Variants in ASTN1 observed in about 807,000 individuals in gnomAD.
ASTN1 encodes the protein astrotactin 1.
In ASTN1, 41 loss-of-function variants were observed where a neutral mutation model predicts 140.7. The ratio of observed to expected loss-of-function variants is 0.29; its 90% CI spans 0.23 to 0.38. The LOEUF is 0.38. Ranked by LOEUF, ASTN1 falls within the 10% of genes least tolerant of loss-of-function variation. ASTN1 has a pLI of 1.00. For synonymous variants in ASTN1, 640 were observed against 652.2 expected, an observed-to-expected ratio of 0.98 and a Z score of 0.29; for missense variants, 1,479 against 1,678.8, an observed-to-expected ratio of 0.88 and a Z score of 2.08.
chr1:177,143,448 G>T (rs1682562162), intron 1 of ASTN1, among the ~76,000 whole-genome samples: 1 of 152,178 alleles, frequency 6.6e-6, no homozygotes, highest in East Asian at 1.9e-4. Context: ...TCACTGAGAA[G>T]TTGCACCCTG....
At chr1:176,932,860 G>C (rs1021497369) in intron 16 of ASTN1, among the ~76,000 whole-genome samples, 5 of 152,174 alleles carry the variant, frequency 3.3e-5, no homozygotes. Flanking sequence ...TGAACCACTG[G>C]CAAACAGAAA....
At chr1:176,901,983 C>G (rs1023610823) in intron 16 of ASTN1, among the ~76,000 whole-genome samples, 3 of 152,088 alleles carry the variant, frequency 2.0e-5, no homozygotes, top group African/African-American at 7.2e-5. Context: ...GGTAATTGTT[C>G]AAGAAGTTTC....
intron 8 of ASTN1, among the ~76,000 whole-genome samples, chr1:176,978,449 CGTGG>C (rs1673463834): frequency 6.6e-6 from 1 of 152,008 alleles, no homozygotes; most frequent in African/African-American, 2.4e-5. Flanking sequence ...AGTGGGAAGA[CGTGG>C]ATTTGGAAGA....
chr1:176,986,715 C>T (rs1228984911), intron 8 of ASTN1, among the ~76,000 whole-genome samples: 3 of 152,152 alleles, frequency 2.0e-5, no homozygotes, highest in Non-Finnish European at 4.4e-5. Context: ...TAAATCTTCT[C>T]TCTGTGTCTC....
intron 1 of ASTN1, among the ~76,000 whole-genome samples, chr1:177,084,884 T>C (rs1679353387): frequency 6.6e-6 from 1 of 152,190 alleles, no homozygotes. Context: ...CATGTTCCCA[T>C]TCACTTCTTA....
intron 15 of ASTN1, among the ~76,000 whole-genome samples, chr1:176,935,247 C>T (rs1018946564): frequency 9.2e-5 from 14 of 152,150 alleles, no homozygotes; most frequent in Admixed American, 5.9e-4. Context: ...CACATCACAG[C>T]GACACCATTG....
At chr1:177,142,273 GT>G (rs556539894) in intron 1 of ASTN1, among the ~76,000 whole-genome samples, 44 of 144,198 alleles carry the variant, frequency 3.1e-4, no homozygotes, top group Middle Eastern at 3.5e-3. Flanking sequence ...AATTGCTGTT[GT>G]TTTTTTTTTT....
At chr1:176,916,382 A>T (rs1471620204) in intron 16 of ASTN1, among the ~76,000 whole-genome samples, 1 of 152,198 alleles carries the variant, frequency 6.6e-6, no homozygotes, top group Non-Finnish European at 1.5e-5. Flanking sequence ...ATCCAGAAAC[A>T]AATTGTACTG....
At chr1:177,032,420 G>A in intron 3 of ASTN1, 36 bp downstream of exon 3, 1 of 1,594,072 alleles carries the variant, frequency 6.3e-7, no homozygotes. Flanking sequence ...TTGAGATGAA[G>A]GACCAAACAG....
rs1668879592 is a variant in ASTN1, at chr1:176,883,107, T to G, written c.3227-113A>C. ...CATGACAATGATTTGGTCCTCAATC[T>G]CTAGAGTAGAGAAGGAGACTTAGAA... On this transcript the variant is annotated intron_variant, in intron 19 of 22. Coordinates refer to ENST00000361833, the MANE Select transcript of ASTN1 (RefSeq NM_004319.3). 4 of 1,421,750 alleles carry G rather than the reference T, an allele frequency of 2.8e-6. No homozygotes were observed. In the African/African-American group the frequency reaches 4.2e-5, roughly 15 times the overall value. The allele number at this position is 1,421,750 out of a possible 1,614,324, so 88.1% of individuals were successfully genotyped here.
chr1:177,060,122 A>G (rs1379071083), intron 2 of ASTN1, among the ~76,000 whole-genome samples: 1 of 152,240 alleles, frequency 6.6e-6, no homozygotes, highest in Non-Finnish European at 1.5e-5. Flanking sequence ...ATCAGTAAAA[A>G]AAACAACACT....
At chr1:176,920,400 C>A (rs955005702) in intron 16 of ASTN1, among the ~76,000 whole-genome samples, 2 of 152,270 alleles carry the variant, frequency 1.3e-5, no homozygotes, top group East Asian at 1.9e-4. Flanking sequence ...CCACATGACC[C>A]GGGGATGGCC....
intron 1 of ASTN1, among the ~76,000 whole-genome samples, chr1:177,152,185 C>T (rs1683067471): frequency 6.6e-6 from 1 of 152,088 alleles, no homozygotes; most frequent in South Asian, 2.1e-4. Context: ...ACAGAAAGTG[C>T]ACAGATTTGC....
At chr1:177,005,502 T>C (rs551804403) in intron 8 of ASTN1, among the ~76,000 whole-genome samples, 1 of 152,300 alleles carries the variant, frequency 6.6e-6, no homozygotes, top group East Asian at 1.9e-4. Context: ...AACTAGTCAC[T>C]ATATCAAAAA....
At chr1:176,968,930 T>A (rs1190205809) in intron 8 of ASTN1, among the ~76,000 whole-genome samples, 1 of 152,028 alleles carries the variant, frequency 6.6e-6, no homozygotes, top group African/African-American at 2.4e-5. Context: ...AAGGCTGGTG[T>A]TGGCAGTGCA....
chr1:176,972,563 A>G (rs1673183925), intron 8 of ASTN1, among the ~76,000 whole-genome samples: 1 of 152,034 alleles, frequency 6.6e-6, no homozygotes, highest in Non-Finnish European at 1.5e-5. Context: ...CACTGGTGCA[A>G]TTATAGTTCA....
intron 11 of ASTN1, among the ~76,000 whole-genome samples, chr1:176,957,145 T>C (rs1672441680): frequency 1.3e-5 from 2 of 152,006 alleles, no homozygotes; most frequent in Non-Finnish European, 2.9e-5. Flanking sequence ...TGCAAGTGAC[T>C]CTCTCATCTC....
chr1:176,918,289 AG>A lies in ASTN1; in HGVS notation c.2671+15862del, dbSNP rs140909135. Among the ~76,000 whole-genome samples, 105 of 152,242 alleles carry A rather than the reference AG, an allele frequency of 6.9e-4. 1 individual carries two copies. In the East Asian group the frequency reaches 0.02, roughly 28 times the overall value. ...TAAGCTCATCTATCCCCAGGGATTTAGGTACTAGTTGAATTCACCAGAACTC... is the reference window on the plus strand; with the variant it reads ...TAAGCTCATCTATCCCCAGGGATTTAGTACTAGTTGAATTCACCAGAACTC... On this transcript the variant is annotated intron_variant, in intron 16 of 22. Coordinates refer to ENST00000361833, the MANE Select transcript of ASTN1 (RefSeq NM_004319.3).
In ASTN1 at chr1:176,958,915, G is replaced by T. The variant is rs1221902453; in HGVS notation, c.1599-433C>A. Among the ~76,000 whole-genome samples, 3 of 152,076 alleles carry T rather than the reference G, an allele frequency of 2.0e-5. No homozygotes were observed. The East Asian group carries it at 5.8e-4, about 29-fold the overall frequency. Reference sequence around the variant, plus strand: ...CTGTGACTGGAGGAACCCTAACAAAGAAAATAAAGAAAGAAAGCACCCCTT... The same window carrying T: ...CTGTGACTGGAGGAACCCTAACAAATAAAATAAAGAAAGAAAGCACCCCTT... On this transcript the variant is annotated intron_variant, in intron 9 of 22. Coordinates refer to ENST00000361833, the MANE Select transcript of ASTN1 (RefSeq NM_004319.3).
Sources: allele counts gnomAD v4.1 joint callset (sites outside exome capture counted in the v4.1 genomes callset), GRCh38; gene constraint gnomAD v4.1.1; transcripts MANE v1.5; gene names NCBI Gene and HGNC (gene_info 2026-07-23, HGNC 2026-07-21).